The following MKLN1 variants were observed in gnomAD, a reference collection of about 807,000 sequenced individuals.
MKLN1 encodes muskelin.
Under a neutral mutation model 99.0 loss-of-function variants are expected in MKLN1, and 18 were observed. The ratio of observed to expected loss-of-function variants is 0.18; its 90% confidence interval spans 0.13 to 0.27. The LOEUF (loss-of-function observed/expected upper bound fraction) is 0.27, where lower values mean the gene tolerates loss of function less well. Ranked by LOEUF, MKLN1 falls within the 10% of genes least tolerant of loss-of-function variation. MKLN1 has a pLI of 1.00. For missense variants in MKLN1, 621 were observed against 875.9 expected, an observed-to-expected ratio of 0.71 and a Z score of 3.67; for synonymous variants, 288 against 293.2, an observed-to-expected ratio of 0.98 and a Z score of 0.18.
intron 3 of MKLN1, among the ~76,000 whole-genome samples, chr7:131,319,877 C>T (rs1330354564): frequency 3.3e-5 from 5 of 151,998 alleles, no homozygotes; most frequent in Admixed American, 1.3e-4. Context: ...TTTCAAGGGA[C>T]GTGAAGGATC....
At chr7:131,428,549 T>TA (rs1356846170) in intron 8 of MKLN1, among the ~76,000 whole-genome samples, 1 of 152,212 alleles carries the variant, frequency 6.6e-6, no homozygotes, top group Non-Finnish European at 1.5e-5. Context: ...TAAATGTTCT[T>TA]ATGCTGTACT....
At chr7:131,330,844 A>G (rs776992534) in intron 1 of MKLN1, among the ~76,000 whole-genome samples, 6 of 152,192 alleles carry the variant, frequency 3.9e-5, no homozygotes, top group African/African-American at 7.2e-5. Context: ...TTGGACTTTA[A>G]AAATGTTAAA....
At chr7:131,194,587 T>C (rs1796614989) in intron 2 of MKLN1, among the ~76,000 whole-genome samples, 1 of 152,208 alleles carries the variant, frequency 6.6e-6, no homozygotes, top group Non-Finnish European at 1.5e-5. Flanking sequence ...GAATAACCTT[T>C]GGCCAGACCC....
chr7:131,421,301 C>T (rs1041609224), intron 8 of MKLN1, among the ~76,000 whole-genome samples: 7 of 152,046 alleles, frequency 4.6e-5, no homozygotes, highest in African/African-American at 1.7e-4. Context: ...CATTTAGGTA[C>T]CATAGCCCTG....
intron 9 of MKLN1, among the ~76,000 whole-genome samples, chr7:131,430,624 G>T (rs933505305): frequency 1.3e-5 from 2 of 152,074 alleles, no homozygotes; most frequent in African/African-American, 2.4e-5. Flanking sequence ...CAAGTGCCTG[G>T]CATGATCCAA....
Position 131,273,304 on chromosome 7 carries a change from C to T in MKLN1, c.-179+70330C>T, listed in dbSNP as rs191916451. On this transcript the variant is annotated intron_variant, in intron 3 of 7. Coordinates refer to the MKLN1 transcript ENST00000416992. ...AGGGTATTTTCCATGGGCGGCTGTC[C>T]TTTCTGTAATTCCTCATCTGGCTTG... Among the ~76,000 whole-genome samples, 332 of 151,976 alleles carry T rather than the reference C, an allele frequency of 2.2e-3. 2 individuals carry two copies. The highest frequency in any genetic ancestry group is 7.4e-3 in the African/African-American group (306 of 41,430).
chr7:131,141,103 G>A (rs1434985927), intron 1 of MKLN1, among the ~76,000 whole-genome samples: 1 of 152,006 alleles, frequency 6.6e-6, no homozygotes, highest in Admixed American at 6.6e-5. Flanking sequence ...CTTTATTTAA[G>A]CTTTGGTGTT....
At chr7:131,401,449 GCTTAT>G (rs775444037) in intron 6 of MKLN1, among the ~76,000 whole-genome samples, 93 of 152,120 alleles carry the variant, frequency 6.1e-4, no homozygotes, top group African/African-American at 2.4e-4. Flanking sequence ...CCTTTGCTGA[GCTTAT>G]CTTATTTGCT....
rs141867941 is a variant in MKLN1 at position 131,164,379 on chromosome 7, T to C, written c.-297+21438T>C. On this transcript the variant is annotated intron_variant, in intron 2 of 7. Coordinates refer to the MKLN1 transcript ENST00000416992. ...ATCTGCCTGCCTTGGCCTCCCAAAG[T>C]ACTAGGATTACAGGTGTGTGCTGCC... Among the ~76,000 whole-genome samples, 1,037 of 152,278 alleles carry C rather than the reference T, an allele frequency of 6.8e-3. 15 individuals carry two copies. The highest frequency in any genetic ancestry group is 0.023 in the African/African-American group (976 of 41,558).
At chr7:131,121,729 C>G (rs1795376072) in intron 1 of MKLN1, among the ~76,000 whole-genome samples, 1 of 149,656 alleles carries the variant, frequency 6.7e-6, no homozygotes, top group Non-Finnish European at 1.5e-5. Context: ...GACTATCACA[C>G]AGGGGAAGAT....
Position 131,153,663 on chromosome 7 carries a change from G to GTTTTTTTT in MKLN1, c.-297+10722_-297+10723insTTTTTTTT, listed in dbSNP as rs144256871. Among the ~76,000 whole-genome samples the GTTTTTTTT allele has an allele frequency of 1.6e-4, 21 of 135,246 alleles. 8 individuals carry two copies. The highest frequency in any genetic ancestry group is 1.4e-4 in the Non-Finnish European group (9 of 64,784). 88.7% of individuals were successfully genotyped at this position (135,246 alleles called of 152,430 possible). ...TACAAAATGAAAGTAGGTTTTTTTT[G>GTTTTTTTT]GTTTTTTTTTTTTTTTTGAGAAGGA... On this transcript the variant is annotated intron_variant, in intron 2 of 7. Coordinates refer to the MKLN1 transcript ENST00000416992.
At chr7:131,316,856 CAG>C (rs1798677666) in intron 3 of MKLN1, among the ~76,000 whole-genome samples, 1 of 151,972 alleles carries the variant, frequency 6.6e-6, no homozygotes, top group Non-Finnish European at 1.5e-5. Flanking sequence ...GAAAGGATAT[CAG>C]AGATTGAAGA....
At chr7:131,402,319 C>G (rs535941342) in intron 6 of MKLN1, among the ~76,000 whole-genome samples, 1 of 152,302 alleles carries the variant, frequency 6.6e-6, no homozygotes, top group South Asian at 2.1e-4. Context: ...GCAGTTCAGT[C>G]ACATCTTCAG....
chr7:131,240,647 C>T (rs1392069470), intron 3 of MKLN1, among the ~76,000 whole-genome samples: 1 of 152,144 alleles, frequency 6.6e-6, no homozygotes, highest in Non-Finnish European at 1.5e-5. Context: ...TAACCTGTAA[C>T]TTCACTCTAC....
At chr7:131,371,645 G>A (rs1170356872) in intron 1 of MKLN1, among the ~76,000 whole-genome samples, 1 of 151,856 alleles carries the variant, frequency 6.6e-6, no homozygotes, top group Non-Finnish European at 1.5e-5. Flanking sequence ...CATTTTTCAG[G>A]TTATGACACG....
Position 131,230,016 on chromosome 7 carries a change from C to T in MKLN1, c.-179+27042C>T, listed in dbSNP as rs78078733. ...TTTGATTTCCTTCAGGGTCTGCTGT[C>T]CTGTGATGCTATATTAGAGTCAGGT... is the stretch of plus-strand genomic sequence containing the variant. On this transcript the variant is annotated intron_variant, in intron 3 of 7. Transcript: ENST00000416992. Among the ~76,000 whole-genome samples, 518 of 152,242 alleles carry T rather than the reference C, an allele frequency of 3.4e-3. 1 individual carries two copies. Among genetic ancestry groups the T allele is most frequent in the African/African-American group, 0.012 (492 of 41,528 alleles).
rs183112671 is a variant in MKLN1 at position 131,265,611 on chromosome 7, G to A, written c.-179+62637G>A. On this transcript the variant is annotated intron_variant, in intron 3 of 7. Transcript: ENST00000416992. Reference sequence around the variant, plus strand: ...ATCAAAGGAGTGTAAGAATCCCAGCGGAGGAGGGGCTGTGGCTGGGTCTAT... The same window carrying A: ...ATCAAAGGAGTGTAAGAATCCCAGCAGAGGAGGGGCTGTGGCTGGGTCTAT... 2.4e-3 allele frequency among the ~76,000 whole-genome samples: 371 copies of A among 152,238 alleles called. 1 individual carries two copies. The highest frequency in any genetic ancestry group is 3.7e-3 in the Non-Finnish European group (255 of 68,012).
intron 2 of MKLN1, among the ~76,000 whole-genome samples, chr7:131,171,737 C>T (rs959171335): frequency 6.6e-6 from 1 of 152,210 alleles, no homozygotes; most frequent in African/African-American, 2.4e-5. Context: ...GGATTACAGG[C>T]ATGAGCCACC....
chr7:131,250,251 G>A (rs1797557688), intron 3 of MKLN1, among the ~76,000 whole-genome samples: 1 of 152,146 alleles, frequency 6.6e-6, no homozygotes. Flanking sequence ...TTGCTGGAAG[G>A]AGATGATGAG....
Sources: gnomAD v4.1 joint callset for allele counts (sites outside exome capture counted in the v4.1 genomes callset) on GRCh38, gnomAD v4.1.1 for gene constraint, MANE v1.5 for transcripts, NCBI Gene and HGNC (gene_info 2026-07-23, HGNC 2026-07-21) for gene names.